ITFG1: variants seen among roughly 807,000 people sequenced by gnomAD.
ITFG1 encodes T-cell immunomodulatory protein.
In ITFG1, 34 loss-of-function variants were observed where a neutral mutation model predicts 81.8. The ratio of observed to expected loss-of-function variants is 0.42; its 90% CI spans 0.32 to 0.55. The LOEUF (loss-of-function observed/expected upper bound fraction) is 0.55, where lower values mean the gene tolerates loss of function less well. Ranked by LOEUF, ITFG1 falls within the 20% of genes least tolerant of loss-of-function variation. The pLI, the probability that ITFG1 is intolerant of heterozygous loss-of-function variation, is 0.17. For synonymous variants in ITFG1, 285 were observed against 270.6 expected, an observed-to-expected ratio of 1.05 and a Z score of -0.52; for missense variants, 672 against 755.4, an observed-to-expected ratio of 0.89 and a Z score of 1.29.
intron 6 of ITFG1, among the ~76,000 whole-genome samples, chr16:47,427,119 G>C (rs1166186466): frequency 6.6e-6 from 1 of 152,172 alleles, no homozygotes; most frequent in African/African-American, 2.4e-5. Context: ...TAGAGTGACA[G>C]ATTTAGTGTG....
intron 13 of ITFG1, among the ~76,000 whole-genome samples, chr16:47,220,767 T>G (rs1965680927): frequency 6.6e-6 from 1 of 152,124 alleles, no homozygotes; most frequent in East Asian, 1.9e-4. Flanking sequence ...GGTAGACCAA[T>G]ATATTTTAGT....
intron 13 of ITFG1, among the ~76,000 whole-genome samples, chr16:47,222,376 T>C (rs987716441): frequency 1.3e-5 from 2 of 151,934 alleles, no homozygotes; most frequent in African/African-American, 4.8e-5. Flanking sequence ...GGTTGTTCAG[T>C]TTCCATGCAG....
chr16:47,199,103 A>G (rs527429445), intron 14 of ITFG1, among the ~76,000 whole-genome samples: 10 of 152,224 alleles, frequency 6.6e-5, no homozygotes, highest in East Asian at 5.8e-4. Context: ...GTGAAACCCT[A>G]TCTCTATTAA....
intron 8 of ITFG1, among the ~76,000 whole-genome samples, chr16:47,356,980 T>A (rs1450021402): frequency 6.6e-6 from 1 of 151,926 alleles, no homozygotes; most frequent in East Asian, 1.9e-4. Flanking sequence ...GCTATATGTA[T>A]CTGTAAGGTC....
Position 47,334,422 on chromosome 16 carries a change from G to T in ITFG1, c.803-20599C>A, listed in dbSNP as rs1002171289. On this transcript the variant is annotated intron_variant, in intron 8 of 17. Coordinates refer to ENST00000320640, the MANE Select transcript of ITFG1 (RefSeq NM_030790.5). ...CAAACTGGGTGACAGAGTGAGCCCT[G>T]TCTTAAAAAAGAATAAAAAAGAAAA... Among the ~76,000 whole-genome samples, 3 of 152,070 alleles carry T rather than the reference G, an allele frequency of 2.0e-5. No homozygotes were observed. The South Asian group carries it at 6.2e-4, about 32-fold the overall frequency.
chr16:47,210,759 T>G (rs1304663412), intron 14 of ITFG1, among the ~76,000 whole-genome samples: 1 of 152,192 alleles, frequency 6.6e-6, no homozygotes, highest in African/African-American at 2.4e-5. Context: ...GAGGTAGGCA[T>G]GTTTGTATGG....
At chr16:47,258,577 T>C (rs1410601646) in intron 12 of ITFG1, 55 bp downstream of exon 12, 1 of 817,458 alleles carries the variant, frequency 1.2e-6, no homozygotes, top group East Asian at 2.5e-5. Flanking sequence ...CTTTGGAATA[T>C]GTGGAGAGAG....
chr16:47,322,117 T>G (rs1567459376), intron 8 of ITFG1, among the ~76,000 whole-genome samples: 3 of 152,184 alleles, frequency 2.0e-5, no homozygotes, highest in African/African-American at 4.8e-5. Flanking sequence ...CCTATGTTAT[T>G]GAAGAGAAGT....
intron 6 of ITFG1, among the ~76,000 whole-genome samples, chr16:47,385,164 T>C (rs1165912308): frequency 6.6e-6 from 1 of 152,206 alleles, no homozygotes; most frequent in African/African-American, 2.4e-5. Context: ...ACACGTGACA[T>C]TGTGTTTATA....
chr16:47,376,711 G>T (rs1169652879), intron 6 of ITFG1, among the ~76,000 whole-genome samples: 1 of 151,962 alleles, frequency 6.6e-6, no homozygotes, highest in Non-Finnish European at 1.5e-5. Context: ...TTACTGGCAG[G>T]GCGCTGTGGC....
At chr16:47,195,752 T>TA (rs1217745730) in intron 14 of ITFG1, among the ~76,000 whole-genome samples, 1 of 152,108 alleles carries the variant, frequency 6.6e-6, no homozygotes, top group Admixed American at 6.6e-5. Context: ...TAATTTCTTC[T>TA]AAAAAACAAA....
At chr16:47,200,012 G>C (rs1965406442) in intron 14 of ITFG1, among the ~76,000 whole-genome samples, 1 of 134,134 alleles carries the variant, frequency 7.5e-6, no homozygotes, top group East Asian at 2.0e-4. Context: ...GTGAGTGATG[G>C]GGTGCGGCTG....
At chr16:47,383,476 C>T (rs1968420160) in intron 6 of ITFG1, among the ~76,000 whole-genome samples, 1 of 152,168 alleles carries the variant, frequency 6.6e-6, no homozygotes, top group East Asian at 1.9e-4. Flanking sequence ...TCCACCTGTG[C>T]CTCATTATAG....
chr16:47,273,076 T>A (rs1024883900), intron 10 of ITFG1, among the ~76,000 whole-genome samples: 2 of 151,804 alleles, frequency 1.3e-5, no homozygotes, highest in South Asian at 4.2e-4. Flanking sequence ...ATGGATCATT[T>A]AACTTAAAGT....
chr16:47,352,104 C>G (rs970657596), intron 8 of ITFG1, among the ~76,000 whole-genome samples: 1 of 152,146 alleles, frequency 6.6e-6, no homozygotes, highest in African/African-American at 2.4e-5. Flanking sequence ...ATCATAAAAA[C>G]CCTAGAAAAA....
At chr16:47,196,882 A>G (rs1302994448) in intron 14 of ITFG1, among the ~76,000 whole-genome samples, 1 of 152,144 alleles carries the variant, frequency 6.6e-6, no homozygotes, top group Non-Finnish European at 1.5e-5. Context: ...GTGAGCCGAG[A>G]TTGTGCCACT....
At chr16:47,181,373 G>T (rs1360802433) in intron 14 of ITFG1, among the ~76,000 whole-genome samples, 1 of 145,350 alleles carries the variant, frequency 6.9e-6, no homozygotes, top group Non-Finnish European at 1.5e-5. Flanking sequence ...CCCCCCGCCC[G>T]GCCAGCCACC....
intron 14 of ITFG1, among the ~76,000 whole-genome samples, chr16:47,171,128 C>T (rs767114306): frequency 1.4e-5 from 2 of 147,540 alleles, no homozygotes; most frequent in Non-Finnish European, 3.0e-5. Context: ...AACTCCTGGG[C>T]TTAAGCCTCC....
chr16:47,232,843 G>A (rs1008055339), intron 13 of ITFG1, among the ~76,000 whole-genome samples: 5 of 151,982 alleles, frequency 3.3e-5, no homozygotes, highest in East Asian at 1.9e-4. Context: ...GTTTCAGCAC[G>A]TTGCCCAGGC....
Sources: gnomAD v4.1 joint callset for allele counts (sites outside exome capture counted in the v4.1 genomes callset) on GRCh38, gnomAD v4.1.1 for gene constraint, MANE v1.5 for transcripts, NCBI Gene and HGNC (gene_info 2026-07-23, HGNC 2026-07-21) for gene names.